Variants in HOOK3 observed in about 807,000 individuals in gnomAD.
The protein encoded by HOOK3 is protein Hook homolog 3.
Under a neutral mutation model 116.3 loss-of-function variants are expected in HOOK3, and 24 were observed. The ratio of observed to expected loss-of-function variants is 0.21; its 90% confidence interval spans 0.15 to 0.29. HOOK3 has a LOEUF of 0.29. HOOK3 is among the 10% of genes least tolerant of loss of function. The pLI is 1.00. For synonymous variants in HOOK3, 275 were observed against 283.0 expected (o/e 0.97, Z 0.28); for missense variants, 632 against 830.2 (o/e 0.76, Z 2.93).
At chr8:42,944,652 C>G (rs1361007616) in intron 5 of HOOK3, among the ~76,000 whole-genome samples, 1 of 151,958 alleles carries the variant, frequency 6.6e-6, no homozygotes, top group African/African-American at 2.4e-5. Context: ...AACCCCATCT[C>G]TACTAAAAAT....
chr8:42,977,684 T>C (rs1056328616), intron 13 of HOOK3, among the ~76,000 whole-genome samples: 1 of 151,926 alleles, frequency 6.6e-6, no homozygotes, highest in African/African-American at 2.4e-5. Flanking sequence ...CTGGCCAACA[T>C]AGCAAAACTC....
intron 1 of HOOK3, among the ~76,000 whole-genome samples, chr8:42,901,341 A>C (rs550215103): frequency 6.6e-6 from 1 of 152,356 alleles, no homozygotes; most frequent in African/African-American, 2.4e-5. Context: ...TTGTACTGCT[A>C]TCCTGAAATA....
chr8:42,957,195 G>A (rs777881119), intron 7 of HOOK3, 39 bp downstream of exon 7: 1 of 1,301,182 alleles, frequency 7.7e-7, no homozygotes. Flanking sequence ...TGAAAAGGTT[G>A]AAAAGGATAA....
At position 43,027,223 on chromosome 8, in the gene HOOK3, T is replaced by C; in HGVS notation, c.*8725T>C. The C allele has an allele frequency of 3.8e-6, 1 of 264,866 alleles. No homozygotes were observed. Among genetic ancestry groups the C allele is most frequent in the Non-Finnish European group, 7.5e-6 (1 of 133,752 alleles). 16.4% of individuals were successfully genotyped at this position (264,866 alleles called of 1,614,324 possible). On this transcript the variant is annotated 3_prime_UTR_variant, in exon 22 of 22. Coordinates refer to ENST00000307602, the MANE Select transcript of HOOK3 (RefSeq NM_032410.4). ...TTGGCCATTTTCTTACATTCATATA[T>C]AGCAAAGTTTTCAACTTGTCTACCG...
chr8:42,937,735 T>A (rs1049430533), intron 4 of HOOK3, among the ~76,000 whole-genome samples: 1 of 152,256 alleles, frequency 6.6e-6, no homozygotes, highest in African/African-American at 2.4e-5. Flanking sequence ...CTAATCTGAT[T>A]GCACTGTGGT....
intron 6 of HOOK3, among the ~76,000 whole-genome samples, chr8:42,954,531 G>T (rs908159903): frequency 6.6e-6 from 1 of 152,192 alleles, no homozygotes; most frequent in Non-Finnish European, 1.5e-5. Context: ...GTGTAAAAGG[G>T]TATCTTAGGA....
At chr8:42,978,886 GT>G (rs1261987742) in intron 13 of HOOK3, among the ~76,000 whole-genome samples, 1 of 152,160 alleles carries the variant, frequency 6.6e-6, no homozygotes, top group Non-Finnish European at 1.5e-5. Flanking sequence ...GAGTGACCTA[GT>G]TTTCCTGGTG....
At chr8:42,904,021 CGTTA>C (rs2130317230) in intron 1 of HOOK3, among the ~76,000 whole-genome samples, 1 of 152,132 alleles carries the variant, frequency 6.6e-6, no homozygotes, top group South Asian at 2.1e-4. Flanking sequence ...ACTCACCCAC[CGTTA>C]GTAAGAGAAT....
chr8:43,011,742 G>A (rs962408268), intron 19 of HOOK3, among the ~76,000 whole-genome samples: 3 of 152,092 alleles, frequency 2.0e-5, no homozygotes, highest in Non-Finnish European at 2.9e-5. Flanking sequence ...AGCTGGTCAT[G>A]GTGGCATGCA....
At chr8:42,961,520 A>G (rs888920867) in intron 8 of HOOK3, among the ~76,000 whole-genome samples, 6 of 151,944 alleles carry the variant, frequency 3.9e-5, no homozygotes, top group South Asian at 4.1e-4. Context: ...AGAAGTGAGA[A>G]CAGTGATTAA....
At chr8:42,966,704 G>A (rs1026787862) in intron 10 of HOOK3, 91 bp downstream of exon 10, 70 of 1,407,950 alleles carry the variant, frequency 5.0e-5, no homozygotes, top group Middle Eastern at 3.9e-4. Context: ...TAAGAGCCAG[G>A]CTACCTGGGC....
intron 4 of HOOK3, among the ~76,000 whole-genome samples, chr8:42,938,945 C>T (rs528652954): frequency 6.6e-6 from 1 of 152,220 alleles, no homozygotes; most frequent in East Asian, 1.9e-4. Context: ...CTTCAAGCAT[C>T]TGTTTAACAA....
intron 8 of HOOK3, among the ~76,000 whole-genome samples, chr8:42,962,670 G>T (rs1247563397): frequency 6.6e-6 from 1 of 151,990 alleles, no homozygotes; most frequent in African/African-American, 2.4e-5. Context: ...CTCCCAAAGT[G>T]CTAGGATTAC....
In HOOK3 at chr8:42,927,349, C is replaced by T. The variant is rs1427088193; in HGVS notation, c.216+1720C>T. ...TCGGCTCGCTGCAACCTCCGCCTCC[C>T]GAGTTCAAAAGATTCTCCTGCCTCG... On this transcript the variant is annotated intron_variant, in intron 3 of 21. Coordinates refer to ENST00000307602, the MANE Select transcript of HOOK3 (RefSeq NM_032410.4). Among the ~76,000 whole-genome samples the T allele has an allele frequency of 2.7e-5, 4 of 150,584 alleles. No homozygotes were observed. The East Asian group carries it at 5.9e-4, about 22-fold the overall frequency.
chr8:42,956,223 C>CGTGTGTGTGTGTGTGTGTGT lies in HOOK3; in HGVS notation c.469-848_469-829dup, dbSNP rs61448463. Among the ~76,000 whole-genome samples, 527 of 135,868 alleles carry CGTGTGTGTGTGTGTGTGTGT rather than the reference C, an allele frequency of 3.9e-3. 2 individuals carry two copies. Among genetic ancestry groups the CGTGTGTGTGTGTGTGTGTGT allele is most frequent in the South Asian group, 6.0e-3 (24 of 4,024 alleles). The allele number at this position is 135,868 out of a possible 152,430, so 89.1% of individuals were successfully genotyped here. A position where few individuals can be genotyped will look rare whatever the true frequency, so the allele number is the denominator to read the frequency against. ...TCTCTTTGCAACATAAGGATTAGGG[C>CGTGTGTGTGTGTGTGTGTGT]GTGTGTGTGTGTGTGTGTGTGTGTG... On this transcript the variant is annotated intron_variant, in intron 6 of 21. Transcript: ENST00000307602.
intron 4 of HOOK3, among the ~76,000 whole-genome samples, chr8:42,937,270 TTC>T (rs1186625430): frequency 6.6e-6 from 1 of 152,066 alleles, no homozygotes; most frequent in East Asian, 1.9e-4. Context: ...TATTTGATTC[TTC>T]TCTCTTTTCT....
chr8:42,944,568 C>T (rs1808188439), intron 5 of HOOK3, among the ~76,000 whole-genome samples: 4 of 152,026 alleles, frequency 2.6e-5, no homozygotes. Flanking sequence ...CGCCTGTAAT[C>T]CCAGCACTTT....
rs577647163 is a variant in HOOK3, at chr8:42,954,005, C to A, written c.469-3089C>A. ...AGTACTGAAGCATTAGAAATAACTA[C>A]CCAGTAGTAGGGCAATGGATAAATA... On this transcript the variant is annotated intron_variant, in intron 6 of 21. Coordinates refer to ENST00000307602, the MANE Select transcript of HOOK3 (RefSeq NM_032410.4). 7.0e-4 allele frequency among the ~76,000 whole-genome samples: 107 copies of A among 152,180 alleles called. 1 individual carries two copies. Among genetic ancestry groups the A allele is most frequent in the Non-Finnish European group, 1.2e-3 (81 of 68,018 alleles).
intron 13 of HOOK3, among the ~76,000 whole-genome samples, chr8:42,976,386 TG>T (rs1485359470): frequency 6.6e-6 from 1 of 152,086 alleles, no homozygotes; most frequent in African/African-American, 2.4e-5. Flanking sequence ...GGTGTGTGCC[TG>T]TGGGCCCAAC....
Sources: allele counts gnomAD v4.1 joint callset (sites outside exome capture counted in the v4.1 genomes callset), GRCh38; gene constraint gnomAD v4.1.1; transcripts MANE v1.5; gene names NCBI Gene and HGNC (gene_info 2026-07-23, HGNC 2026-07-21).